The following RASSF1 variants were observed in gnomAD, a reference collection of about 807,000 sequenced individuals.
RASSF1 encodes the protein Ras association domain family member 1, also known as ras association domain-containing protein 1.
Under a neutral mutation model 34.3 loss-of-function variants are expected in RASSF1, and 33 were observed. The ratio of observed to expected loss-of-function variants is 0.96; its 90% confidence interval spans 0.73 to 1.29. The LOEUF (loss-of-function observed/expected upper bound fraction) is 1.29, where lower values mean the gene tolerates loss of function less well. RASSF1 is among the 50% of genes most tolerant of loss of function. RASSF1 has a pLI of 0.00. For missense variants in RASSF1, 445 were observed against 471.8 expected (o/e 0.94, Z 0.53); for synonymous variants, 191 against 195.0 (o/e 0.98, Z 0.17).
chr3:50,339,341 G>A, intron 1 of RASSF1, among the ~76,000 whole-genome samples: 1 of 149,088 alleles, frequency 6.7e-6, no homozygotes, highest in Admixed American at 6.7e-5. Flanking sequence ...TGAGAACGCT[G>A]CAATGTCCCA....
At chr3:50,340,408 G>T in intron 1 of RASSF1, 148 bp downstream of exon 1, 1 of 1,113,460 alleles carries the variant, frequency 9.0e-7, no homozygotes, top group Non-Finnish European at 1.2e-6. Flanking sequence ...CCATTTTCGC[G>T]CACTCTTCAG....
rs1702949592 is a variant in RASSF1, at chr3:50,331,715, T to C, written c.604A>G (p.Thr202Ala). The C allele has an allele frequency of 6.2e-7, 1 of 1,613,072 alleles. No individual in the cohort carries two copies. Among genetic ancestry groups the C allele is most frequent in the Non-Finnish European group, 8.5e-7 (1 of 1,179,442 alleles). Residue 202 changes from threonine (T) to alanine (A), a missense_variant, in exon 4 of 6, where the codon ACT becomes GCT. Coordinates refer to ENST00000359365, the MANE Select transcript of RASSF1 (RefSeq NM_007182.5). Reference protein sequence around the residue: ...PGRGTSVRRRTSFYLPKDAVK... With the variant: ...PGRGTSVRRRASFYLPKDAVK... ...GCATCCTTGGGCAGGTAAAAGGAAG[T>C]GCGGCGCCTGACACTTGTGCCCCGT...
intron 2 of RASSF1, chr3:50,337,475 C>T: frequency 6.5e-7 from 1 of 1,549,532 alleles, no homozygotes; most frequent in Non-Finnish European, 8.7e-7. Context: ...CGGGATCTAG[C>T]TCTTGTCTCA....
rs1439119598 is a variant in RASSF1 at position 50,330,331 on chromosome 3, A to C, written c.*250T>G. The C allele has an allele frequency of 4.3e-6, 2 of 465,964 alleles. No individual in the cohort carries two copies. The highest frequency in any genetic ancestry group is 7.6e-6 in the Non-Finnish European group (2 of 261,880). 28.9% of individuals were successfully genotyped at this position (465,964 alleles called of 1,614,324 possible). On this transcript the variant is annotated 3_prime_UTR_variant, in exon 6 of 6. Coordinates refer to ENST00000359365, the MANE Select transcript of RASSF1 (RefSeq NM_007182.5). This position sits in a 1 kb window ranked among gnomAD's most constrained non-coding sequence, Gnocchi z 4.5. ...TGCACCACTCCTGCTGCAGGCCTGGAGCAGCTTCTCAGGGCAGCCCTGGCC... is the reference window on the plus strand; with the variant it reads ...TGCACCACTCCTGCTGCAGGCCTGGCGCAGCTTCTCAGGGCAGCCCTGGCC...
rs762159999 is a variant in RASSF1, at chr3:50,331,418, CT to C, written c.791del (p.Gln264ArgfsTer16). On this transcript the variant is annotated frameshift_variant, in exon 5 of 6. Coordinates refer to ENST00000359365, the MANE Select transcript of RASSF1 (RefSeq NM_007182.5). LOFTEE classifies it high-confidence loss of function. ...VYLRKLLDDE[Q>X]PLRLRLLAGP... ...CTGCCAGGAGCCGCAGCCGCAGGGG[CT>C]GCTCATCATCCAACAGCTTCCGCAA... 6.2e-7 allele frequency: 1 copy of C among 1,603,310 alleles called. No homozygotes were observed. The highest frequency in any genetic ancestry group is 2.2e-5 in the East Asian group (1 of 44,594).
intron 2 of RASSF1, chr3:50,337,506 C>A: frequency 6.5e-7 from 1 of 1,528,764 alleles, no homozygotes; most frequent in Non-Finnish European, 8.8e-7. Context: ...AACGCCGGGG[C>A]GGGGACACGC....
chr3:50,338,492 C>A (rs1703246969), intron 1 of RASSF1, among the ~76,000 whole-genome samples: 1 of 152,196 alleles, frequency 6.6e-6, no homozygotes, highest in South Asian at 2.1e-4. Flanking sequence ...GTTAGCCAGG[C>A]TGGTCTCAAA....
chr3:50,340,587 C>A lies in RASSF1; in HGVS notation c.219G>T (p.Trp73Cys). Reference sequence around the variant, plus strand: ...ACTGCAGGCCTTTGCGCACGACGCCCCAGATGAAGTCGCCACAGAGGTCGC... The same window carrying A: ...ACTGCAGGCCTTTGCGCACGACGCCACAGATGAAGTCGCCACAGAGGTCGC... ...TWCDLCGDFIWGVVRKGLQCA... is the reference protein window; with the variant it reads ...TWCDLCGDFICGVVRKGLQCA... Residue 73 changes from tryptophan (W) to cysteine (C), a missense_variant, in exon 1 of 6, where the codon TGG becomes TGT. Physicochemically the swap from Trp to Cys is radical, Grantham distance 215 (BLOSUM62 -2). Coordinates refer to ENST00000359365, the MANE Select transcript of RASSF1 (RefSeq NM_007182.5). 6.5e-7 allele frequency: 1 copy of A among 1,550,090 alleles called. No individual in the cohort carries two copies. The highest frequency in any genetic ancestry group is 1.2e-5 in the South Asian group (1 of 85,778).
rs1296112377 is a variant in RASSF1 at position 50,330,537 on chromosome 3, T to G, written c.*44A>C. The G allele has an allele frequency of 5.0e-6, 8 of 1,610,408 alleles. No individual in the cohort carries two copies. Among genetic ancestry groups the G allele is most frequent in the Non-Finnish European group, 6.8e-6 (8 of 1,178,192 alleles). ...CCTGTCACACTCACACGGCACGCAC[T>G]TGGCGCTGCCTGCTGTCTGCCTTCC... On this transcript the variant is annotated 3_prime_UTR_variant, in exon 6 of 6. Coordinates refer to ENST00000359365, the MANE Select transcript of RASSF1 (RefSeq NM_007182.5). The surrounding 1 kb of genome is among the most constrained non-coding windows in gnomAD (Gnocchi z 4.5).
intron 2 of RASSF1, chr3:50,337,340 C>T (rs1317555642): frequency 6.2e-7 from 1 of 1,607,742 alleles, no homozygotes; most frequent in African/African-American, 1.3e-5. Context: ...GCCCGTCCCC[C>T]AGTCCTGCGC....
rs768826036 is a variant in RASSF1, at chr3:50,331,643, T to A, written c.676A>T (p.Ile226Phe). The A allele has an allele frequency of 3.7e-5, 59 of 1,609,848 alleles. No homozygotes were observed. Among genetic ancestry groups the A allele is most frequent in the Non-Finnish European group, 4.8e-5 (57 of 1,176,512 alleles). ...AAGAACTTTCGCAGCAGGGCCTCAA[T>A]GACTTCACGTGCCCTTGTGCGTGAC... ...VLSRTRAREV[I>F]EALLRKFLVV... is the part of the protein sequence containing the mutation. The change falls in exon 4 of 6, where the codon ATT (isoleucine) becomes TTT (phenylalanine). Residue 226 changes from isoleucine (I) to phenylalanine (F), a missense_variant. Physicochemically the swap from Ile to Phe is conservative, Grantham distance 21. Coordinates refer to ENST00000359365, the MANE Select transcript of RASSF1 (RefSeq NM_007182.5).
intron 2 of RASSF1, chr3:50,336,893 T>G (rs2109345780): frequency 2.0e-6 from 1 of 496,908 alleles, no homozygotes; most frequent in East Asian, 3.9e-5. Context: ...CATAGCTGGA[T>G]AATGCCCGGC....
chr3:50,330,605 G>A lies in RASSF1; in HGVS notation c.999C>T (p.Ala333=). The change falls in exon 6 of 6, where the codon GCC becomes GCT. Residue 333 remains alanine, a synonymous_variant. Transcript: ENST00000359365. The surrounding 1 kb of genome is among the most constrained non-coding windows in gnomAD (Gnocchi z 4.5). ...YSYCRQKIQE[A]LHACPLG is the part of the protein sequence containing the mutation. ...GTCACCCAAGGGGGCAGGCGTGCAG[G>A]GCCTCTTGGATCTTCTGGCGGCAAT... 5 of 1,614,120 alleles carry A rather than the reference G, an allele frequency of 3.1e-6. No homozygotes were observed. The highest frequency in any genetic ancestry group is 4.2e-6 in the Non-Finnish European group (5 of 1,180,006).
chr3:50,330,517 C>A lies in RASSF1; in HGVS notation c.*64G>T. The A allele has an allele frequency of 6.3e-7, 1 of 1,589,526 alleles. No individual in the cohort carries two copies. The highest frequency in any genetic ancestry group is 1.1e-5 in the South Asian group (1 of 89,708). ...ATTCCACAGGCCCCACTGGCCCTGT[C>A]ACACTCACACGGCACGCACTTGGCG... On this transcript the variant is annotated 3_prime_UTR_variant, in exon 6 of 6. Transcript: ENST00000359365. The surrounding 1 kb of genome is among the most constrained non-coding windows in gnomAD (Gnocchi z 4.5).
intron 1 of RASSF1, 141 bp from the exon 2 acceptor site, chr3:50,338,152 C>G: frequency 1.4e-6 from 2 of 1,446,478 alleles, no homozygotes. Flanking sequence ...CCTCACACTG[C>G]TACGCGGACT....
Position 50,330,436 on chromosome 3 carries a change from A to G in RASSF1, c.*145T>C. 12 of 1,143,562 alleles carry G rather than the reference A, an allele frequency of 1.0e-5. No individual in the cohort carries two copies. The highest frequency in any genetic ancestry group is 1.5e-5 in the Non-Finnish European group (12 of 809,372). The allele number at this position is 1,143,562 out of a possible 1,614,324, so 70.8% of individuals were successfully genotyped here. On this transcript the variant is annotated 3_prime_UTR_variant, in exon 6 of 6. Transcript: ENST00000359365. The surrounding 1 kb of genome is among the most constrained non-coding windows in gnomAD (Gnocchi z 4.5). Reference sequence around the variant, plus strand: ...CACAGGTGGACACAGGGAGCAAGCTACTTCGCTGTTCTCTGGGCTCATTCC... The same window carrying G: ...CACAGGTGGACACAGGGAGCAAGCTGCTTCGCTGTTCTCTGGGCTCATTCC...
Position 50,337,973 on chromosome 3 carries a change from C to G in RASSF1, c.289G>C (p.Val97Leu). 6.2e-7 allele frequency: 1 copy of G among 1,608,896 alleles called. No individual in the cohort carries two copies. The highest frequency in any genetic ancestry group is 1.3e-5 in the African/African-American group (1 of 75,002). ...FTCHYRCRAL[V>L]CLDCCGPRDL... Reference sequence around the variant, plus strand: ...CGGGGCCCGCAACAGTCCAGGCAGACGAGCGCGCGGCAGCGGTAGTGGCAG... The same window carrying G: ...CGGGGCCCGCAACAGTCCAGGCAGAGGAGCGCGCGGCAGCGGTAGTGGCAG... The change falls in exon 2 of 6, where the codon GTC (valine) becomes CTC (leucine). Residue 97 changes from valine (V) to leucine (L), a missense_variant. Val to Leu is a conservative substitution (Grantham distance 32, BLOSUM62 1). Coordinates refer to ENST00000359365, the MANE Select transcript of RASSF1 (RefSeq NM_007182.5).
At chr3:50,338,404 T>G (rs587648565) in intron 1 of RASSF1, 22 of 184,678 alleles carry the variant, frequency 1.2e-4, no homozygotes, top group Non-Finnish European at 2.3e-4. Flanking sequence ...CTCAGCCTCC[T>G]GAGTACCTAG....
At chr3:50,336,947 CCTGT>C (rs1310595266) in intron 2 of RASSF1, 8 of 602,238 alleles carry the variant, frequency 1.3e-5, no homozygotes, top group African/African-American at 5.8e-5. Context: ...CCGTGTTCAA[CCTGT>C]CTGTGACAGA....
Sources: allele counts gnomAD v4.1 joint callset (sites outside exome capture counted in the v4.1 genomes callset), GRCh38; gene constraint gnomAD v4.1.1; non-coding constraint Gnocchi (gnomAD v3.1); transcripts MANE v1.5; gene names NCBI Gene and HGNC (gene_info 2026-07-23, HGNC 2026-07-21).